DNAH17: variants seen among roughly 807,000 people sequenced by gnomAD.
DNAH17 encodes axonemal beta dynein heavy chain 17.
A neutral mutation model predicts 485.6 loss-of-function variants in DNAH17; 376 were observed. That is an observed-to-expected ratio of 0.77 (90% confidence interval 0.71 to 0.84). DNAH17 has a LOEUF of 0.84. Among genes scored for constraint, DNAH17 ranks in the 40% least tolerant of loss-of-function variants. DNAH17 has a pLI of 0.00. For missense variants in DNAH17, 6,370 were observed against 5,839.3 expected (o/e 1.09, Z -2.96); for synonymous variants, 3,031 against 2,405.9 (o/e 1.26, Z -7.60).
At chr17:78,572,268 TG>T (rs35879599) in intron 3 of DNAH17, among the ~76,000 whole-genome samples, 77,725 of 151,768 alleles carry the variant, frequency 0.51, 20,621 homozygotes, top group African/African-American at 0.64. Context: ...CCAGGGCCTC[TG>T]GGGGCACCGC....
At position 78,552,825 on chromosome 17, in the gene DNAH17, G is replaced by T; in HGVS notation, c.2179-20C>A. 6.4e-7 allele frequency: 1 copy of T among 1,562,834 alleles called. No individual in the cohort carries two copies. Among genetic ancestry groups the T allele is most frequent in the Non-Finnish European group, 8.8e-7 (1 of 1,133,584 alleles). On this transcript the variant is annotated intron_variant, in intron 14 of 80. Coordinates refer to ENST00000389840, the MANE Select transcript of DNAH17 (RefSeq NM_173628.4). ...CTTTATCTGAAAAACAGAGGTGACA[G>T]GTTTTGTTCCGAGTCCAACCAGATT...
At chr17:78,460,508 GA>G (rs2088065439) in intron 58 of DNAH17, among the ~76,000 whole-genome samples, 1 of 152,258 alleles carries the variant, frequency 6.6e-6, no homozygotes, top group Non-Finnish European at 1.5e-5. Flanking sequence ...CTCCATAAGA[GA>G]GGCTGCCCCT....
chr17:78,456,299 A>C (rs2087797093), intron 62 of DNAH17, among the ~76,000 whole-genome samples: 1 of 145,492 alleles, frequency 6.9e-6, no homozygotes, highest in South Asian at 2.2e-4. Flanking sequence ...ACTTCATCTC[A>C]AAACAAAAAC....
In DNAH17 at chr17:78,449,322, G is replaced by T. The variant is rs78320412; in HGVS notation, c.11211+92C>A. 2,231 of 1,341,232 alleles carry T rather than the reference G, an allele frequency of 1.7e-3. 2 individuals carry two copies. Among genetic ancestry groups the T allele is most frequent in the Non-Finnish European group, 2.0e-3 (1,970 of 978,402 alleles). The allele number at this position is 1,341,232 out of a possible 1,614,324, so 83.1% of individuals were successfully genotyped here. On this transcript the variant is annotated intron_variant, in intron 69 of 80. Coordinates refer to ENST00000389840, the MANE Select transcript of DNAH17 (RefSeq NM_173628.4). ...TTTGAAATCACCAGGTTTGGGTGGGGGCCCAACAATCTGCCTTTCCACAAA... is the reference window on the plus strand; with the variant it reads ...TTTGAAATCACCAGGTTTGGGTGGGTGCCCAACAATCTGCCTTTCCACAAA...
At chr17:78,570,480 G>A in intron 6 of DNAH17, 108 bp from the exon 7 acceptor site, 1 of 1,413,438 alleles carries the variant, frequency 7.1e-7, no homozygotes, top group Non-Finnish European at 9.4e-7. Context: ...CCAGCAGAGG[G>A]TTCCCAAAGA....
In DNAH17 at chr17:78,509,110, G is replaced by T. The variant is rs1347050380; in HGVS notation, c.4236+1274C>A. 2.5e-5 allele frequency among the ~76,000 whole-genome samples: 2 copies of T among 80,432 alleles called. 1 individual carries two copies. The highest frequency in any genetic ancestry group is 5.3e-5 in the Non-Finnish European group (2 of 37,572). The allele number at this position is 80,432 out of a possible 152,430, so 52.8% of individuals were successfully genotyped here. On this transcript the variant is annotated intron_variant, in intron 27 of 80. Coordinates refer to ENST00000389840, the MANE Select transcript of DNAH17 (RefSeq NM_173628.4). ...GCCTCCCAAAGCGCTGGGATTACAG[G>T]CATGCGCCACCACGCCTGGCTAATT...
chr17:78,486,063 T>C lies in DNAH17; in HGVS notation c.7172A>G (p.Gln2391Arg), dbSNP rs2089592733. ...NEFKTIKFPS[Q>R]GTIFDYYIDP... ...AATGTAGTAGTCAAAAATCGTTCCCTGCGAGGGGAACTTGATAGTCTTGAA... is the reference window on the plus strand; with the variant it reads ...AATGTAGTAGTCAAAAATCGTTCCCCGCGAGGGGAACTTGATAGTCTTGAA... Residue 2391 changes from glutamine to arginine, a missense_variant, in exon 46 of 81, where the codon CAG (glutamine) becomes CGG (arginine). Gln to Arg is a conservative substitution (Grantham distance 43, BLOSUM62 1). Coordinates refer to ENST00000389840, the MANE Select transcript of DNAH17 (RefSeq NM_173628.4). 1 of 1,613,856 alleles carries C rather than the reference T, an allele frequency of 6.2e-7. No homozygotes were observed. The highest frequency in any genetic ancestry group is 8.5e-7 in the Non-Finnish European group (1 of 1,179,880).
At chr17:78,498,074 G>A (rs1038756864) in intron 37 of DNAH17, among the ~76,000 whole-genome samples, 2 of 151,916 alleles carry the variant, frequency 1.3e-5, no homozygotes, top group Non-Finnish European at 2.9e-5. Context: ...CCCGGGAGGC[G>A]GAGGTTCAGT....
intron 7 of DNAH17, 71 bp downstream of exon 7, chr17:78,570,176 A>G (rs2092330682): frequency 2.0e-6 from 3 of 1,482,078 alleles, no homozygotes; most frequent in Non-Finnish European, 2.7e-6. Flanking sequence ...GGGCAGCAGG[A>G]AAACAGTGAA....
rs763013374 is a variant in DNAH17 at position 78,463,095 on chromosome 17, C to A, written c.8941-18G>T. The A allele has an allele frequency of 1.2e-6, 2 of 1,609,154 alleles. No homozygotes were observed. The highest frequency in any genetic ancestry group is 1.7e-6 in the Non-Finnish European group (2 of 1,176,174). On this transcript the variant is annotated intron_variant, in intron 56 of 80. Transcript: ENST00000389840. Reference sequence around the variant, plus strand: ...ACTTCCCACTACAAAGATGAGACAGCCAGTCATCCCTGGGACCCCATCCTG... The same window carrying A: ...ACTTCCCACTACAAAGATGAGACAGACAGTCATCCCTGGGACCCCATCCTG...
chr17:78,569,135 G>A (rs7215128), intron 9 of DNAH17, 31 bp downstream of exon 9: 1 of 1,533,462 alleles, frequency 6.5e-7, no homozygotes. Context: ...CTGGGAAGTG[G>A]AGGTCAAGAT....
intron 14 of DNAH17, among the ~76,000 whole-genome samples, chr17:78,553,010 T>C (rs1034500901): frequency 2.6e-5 from 4 of 152,148 alleles, no homozygotes; most frequent in African/African-American, 9.7e-5. Flanking sequence ...ATCTCATGAA[T>C]GGTGTAGCAT....
chr17:78,526,864 G>GC lies in DNAH17; in HGVS notation c.3624+15dup. The GC allele has an allele frequency of 6.4e-7, 1 of 1,562,738 alleles. No homozygotes were observed. The highest frequency in any genetic ancestry group is 8.7e-7 in the Non-Finnish European group (1 of 1,152,278). On this transcript the variant is annotated intron_variant, in intron 23 of 80. Coordinates refer to ENST00000389840, the MANE Select transcript of DNAH17 (RefSeq NM_173628.4). ...TGCTCCCCGGAAATCCCGCCACCCT[G>GC]CCCCAGGTATAATACCTCGAATTGC...
In DNAH17 at chr17:78,523,287, C is replaced by T. The variant is rs898826781; in HGVS notation, c.3864+1722G>A. On this transcript the variant is annotated intron_variant, in intron 25 of 80. Coordinates refer to ENST00000389840, the MANE Select transcript of DNAH17 (RefSeq NM_173628.4). ...TACAGGCACCTGCCACCATGCCCAA[C>T]TAATTTTTGTATTTTTAGTAGAGAC... Among the ~76,000 whole-genome samples, 5 of 151,972 alleles carry T rather than the reference C, an allele frequency of 3.3e-5. No individual in the cohort carries two copies. In the East Asian group the frequency reaches 7.8e-4, roughly 24 times the overall value.
In DNAH17 at chr17:78,485,967, G is replaced by C. The variant is rs569923882; in HGVS notation, c.7268C>G (p.Pro2423Arg). 1.2e-6 allele frequency: 2 copies of C among 1,611,842 alleles called. No individual in the cohort carries two copies. The highest frequency in any genetic ancestry group is 2.2e-5 in the South Asian group (2 of 90,922). ...TGCTTTGGGGACAGTTACCTGCAGT[G>C]GGACATCGGGATCCAGCTCAAAGGA... ...VPSFELDPDVPLQASLVHTTE... is the reference protein window; with the variant it reads ...VPSFELDPDVRLQASLVHTTE... Residue 2423 changes from proline (P) to arginine (R), a missense_variant, in exon 46 of 81, where the codon CCA (proline) becomes CGA (arginine). Pro to Arg is a moderately radical substitution (Grantham distance 103). Coordinates refer to ENST00000389840, the MANE Select transcript of DNAH17 (RefSeq NM_173628.4).
intron 44 of DNAH17, 62 bp from the exon 45 acceptor site, chr17:78,486,568 C>G: frequency 6.6e-7 from 1 of 1,525,796 alleles, no homozygotes; most frequent in Non-Finnish European, 8.8e-7. Flanking sequence ...GTGTCCCTGC[C>G]TTGGTAAACG....
At chr17:78,558,032 A>C in intron 14 of DNAH17, 76 bp downstream of exon 14, 1 of 1,498,412 alleles carries the variant, frequency 6.7e-7, no homozygotes, top group Non-Finnish European at 9.0e-7. Context: ...ACATCTCTGA[A>C]ACACACAAAC....
Position 78,450,397 on chromosome 17 carries a change from C to T in DNAH17, c.10900-3G>A, listed in dbSNP as rs372780682. The T allele has an allele frequency of 4.0e-5, 65 of 1,613,734 alleles. No individual in the cohort carries two copies. The highest frequency in any genetic ancestry group is 8.0e-5 in the African/African-American group (6 of 75,066). On this transcript the variant is annotated splice_polypyrimidine_tract_variant and splice_region_variant and intron_variant, in intron 67 of 80. Coordinates refer to ENST00000389840, the MANE Select transcript of DNAH17 (RefSeq NM_173628.4). The stretch of plus-strand genomic sequence containing the variant: ...TCTGTGATTTTTGCCTCCACCACCT[C>T]GACACAAACAAAAGGGGTGTGAATG...
intron 35 of DNAH17, 147 bp downstream of exon 35, chr17:78,501,037 T>A: frequency 1.1e-6 from 1 of 924,922 alleles, no homozygotes; most frequent in Non-Finnish European, 1.5e-6. Flanking sequence ...GACACAGTGG[T>A]AGAACTGAAT....
Sources: gnomAD v4.1 joint callset for allele counts (sites outside exome capture counted in the v4.1 genomes callset) on GRCh38, gnomAD v4.1.1 for gene constraint, MANE v1.5 for transcripts, NCBI Gene and HGNC (gene_info 2026-07-23, HGNC 2026-07-21) for gene names.